The following TBC1D5 variants were observed in gnomAD, a reference collection of about 807,000 sequenced individuals.
TBC1D5 encodes the protein TBC1 domain family member 5, also known as TBC1 domain family, member 5.
In TBC1D5, 75 loss-of-function variants were observed where a neutral mutation model predicts 100.3. The ratio of observed to expected loss-of-function variants is 0.75; its 90% CI spans 0.62 to 0.91. TBC1D5 has a LOEUF of 0.91. Ranked by LOEUF, TBC1D5 falls within the 40% of genes least tolerant of loss-of-function variation. The pLI, the probability that TBC1D5 is intolerant of heterozygous loss-of-function variation, is 0.00. For synonymous variants in TBC1D5, 323 were observed against 325.6 expected (o/e 0.99, Z 0.09); for missense variants, 910 against 942.4 (o/e 0.97, Z 0.45).
intron 16 of TBC1D5, among the ~76,000 whole-genome samples, chr3:17,243,695 T>C (rs1476900461): frequency 6.6e-6 from 1 of 152,124 alleles, no homozygotes; most frequent in East Asian, 1.9e-4. Flanking sequence ...ATGGATAACA[T>C]GAGTTTAAAT....
intron 1 of TBC1D5, chr3:17,663,170 T>A (rs2066833067): frequency 6.6e-6 from 1 of 152,130 alleles, no homozygotes; most frequent in South Asian, 2.1e-4. Context: ...AATTTTAAAA[T>A]CCTAGATCAA....
At chr3:17,498,081 A>T (rs2095737412) in intron 3 of TBC1D5, among the ~76,000 whole-genome samples, 1 of 152,096 alleles carries the variant, frequency 6.6e-6, no homozygotes, top group South Asian at 2.1e-4. Context: ...CATAATATTA[A>T]TTTTTATGAT....
At chr3:17,602,706 G>A (rs1044240195) in intron 2 of TBC1D5, among the ~76,000 whole-genome samples, 4 of 150,302 alleles carry the variant, frequency 2.7e-5, no homozygotes, top group East Asian at 4.0e-4. Flanking sequence ...CCAAGTAGCC[G>A]AGACTACAGG....
intron 13 of TBC1D5, among the ~76,000 whole-genome samples, chr3:17,324,165 T>C (rs760732631): frequency 1.8e-4 from 28 of 152,100 alleles, no homozygotes; most frequent in Non-Finnish European, 5.9e-5. Context: ...CATACAAAAA[T>C]TAACTCAAAA....
At chr3:17,522,345 T>A (rs2096072578) in intron 2 of TBC1D5, among the ~76,000 whole-genome samples, 1 of 152,072 alleles carries the variant, frequency 6.6e-6, no homozygotes, top group Non-Finnish European at 1.5e-5. Flanking sequence ...TAAAATGTCA[T>A]TATAAGCCCT....
At chr3:17,728,304 A>T (rs1382120736) in intron 1 of TBC1D5, among the ~76,000 whole-genome samples, 1 of 152,242 alleles carries the variant, frequency 6.6e-6, no homozygotes, top group African/African-American at 2.4e-5. Context: ...CAAAATAAAA[A>T]GGCGTAAATA....
At chr3:17,731,738 A>G (rs1216592120) in intron 1 of TBC1D5, among the ~76,000 whole-genome samples, 1 of 152,112 alleles carries the variant, frequency 6.6e-6, no homozygotes, top group Non-Finnish European at 1.5e-5. Context: ...CACAGGGTTG[A>G]GTTTGATGCC....
intron 1 of TBC1D5, among the ~76,000 whole-genome samples, chr3:17,629,421 A>G (rs1326900367): frequency 6.6e-6 from 1 of 152,230 alleles, no homozygotes; most frequent in Non-Finnish European, 1.5e-5. Flanking sequence ...CAGCTGTTTA[A>G]ATAAATGTAA....
At chr3:17,498,528 A>G (rs1276153929) in intron 3 of TBC1D5, among the ~76,000 whole-genome samples, 3 of 152,208 alleles carry the variant, frequency 2.0e-5, no homozygotes, top group African/African-American at 7.2e-5. Context: ...GGAAACACTA[A>G]AAACTCAAAG....
intron 1 of TBC1D5, among the ~76,000 whole-genome samples, chr3:17,729,034 A>AAAAAAAAAAAG: frequency 6.7e-6 from 1 of 149,824 alleles, no homozygotes; most frequent in Non-Finnish European, 1.5e-5. Flanking sequence ...AAAAAAAAAA[A>AAAAAAAAAAAG]AAAAAAGTGA....
intron 1 of TBC1D5, among the ~76,000 whole-genome samples, chr3:17,654,009 G>A (rs111316590): frequency 1.6e-4 from 24 of 152,118 alleles, no homozygotes; most frequent in African/African-American, 5.3e-4. Flanking sequence ...ATTCTTTTTG[G>A]GGTGAGAGAG....
rs528470566 is a variant in TBC1D5 at position 17,182,837 on chromosome 3, C to A, written c.1852+2272G>T. Among the ~76,000 whole-genome samples the A allele has an allele frequency of 9.9e-5, 15 of 151,810 alleles. No individual in the cohort carries two copies. The South Asian group carries it at 3.1e-3, about 32-fold the overall frequency. On this transcript the variant is annotated intron_variant, in intron 19 of 21. Transcript: ENST00000253692. The stretch of plus-strand genomic sequence containing the variant: ...AAAATTAGGTCTGTAACTTATTACC[C>A]CCATTTTTCTAAGAGAAAGAGAATG...
At chr3:17,535,632 T>G (rs1011237567) in intron 2 of TBC1D5, among the ~76,000 whole-genome samples, 7 of 152,216 alleles carry the variant, frequency 4.6e-5, no homozygotes, top group African/African-American at 1.7e-4. Context: ...CAAGAGAACA[T>G]TTTTTGTTCC....
At chr3:17,559,118 G>T (rs2096540680) in intron 2 of TBC1D5, among the ~76,000 whole-genome samples, 1 of 142,874 alleles carries the variant, frequency 7.0e-6, no homozygotes, top group Non-Finnish European at 1.5e-5. Context: ...AAATAAATAA[G>T]ACTTCATTTT....
At chr3:17,692,505 A>T (rs1049043059) in intron 1 of TBC1D5, among the ~76,000 whole-genome samples, 11 of 152,224 alleles carry the variant, frequency 7.2e-5, no homozygotes, top group Non-Finnish European at 1.2e-4. Flanking sequence ...AAAACTATGT[A>T]AGAGCAGTCA....
At chr3:17,273,771 C>T (rs979363334) in intron 15 of TBC1D5, among the ~76,000 whole-genome samples, 10 of 146,404 alleles carry the variant, frequency 6.8e-5, no homozygotes, top group African/African-American at 2.6e-4. Context: ...CGCGCCACTG[C>T]ACTCTAGCCT....
intron 9 of TBC1D5, among the ~76,000 whole-genome samples, chr3:17,379,396 T>G (rs1182180956): frequency 6.6e-6 from 1 of 152,114 alleles, no homozygotes; most frequent in Non-Finnish European, 1.5e-5. Context: ...GCTAGTTTAA[T>G]AAGAGTTCTT....
chr3:17,549,169 C>T (rs897138079), intron 2 of TBC1D5, among the ~76,000 whole-genome samples: 35 of 152,178 alleles, frequency 2.3e-4, no homozygotes, highest in African/African-American at 7.2e-4. Flanking sequence ...AGTGTGGTGG[C>T]GCATGCCTGT....
intron 8 of TBC1D5, among the ~76,000 whole-genome samples, chr3:17,400,774 G>C (rs2093625272): frequency 6.6e-6 from 1 of 152,138 alleles, no homozygotes; most frequent in African/African-American, 2.4e-5. Flanking sequence ...CAGGCTTGCT[G>C]AATCTTCCAG....
Sources: allele counts gnomAD v4.1 joint callset (sites outside exome capture counted in the v4.1 genomes callset), GRCh38; gene constraint gnomAD v4.1.1; transcripts MANE v1.5; gene names NCBI Gene and HGNC (gene_info 2026-07-23, HGNC 2026-07-21).